INPP4B: variants seen among roughly 807,000 people sequenced by gnomAD.
INPP4B encodes the protein inositol polyphosphate 4-phosphatase type II.
INPP4B carries 55 observed loss-of-function variants against 122.5 expected under a neutral mutation model. That is an observed-to-expected ratio of 0.45 (90% CI 0.36 to 0.56). INPP4B has a LOEUF of 0.56. Ranked by LOEUF, INPP4B falls within the 20% of genes least tolerant of loss-of-function variation. The pLI is 0.00. For missense variants in INPP4B, 1,000 were observed against 1,097.7 expected (o/e 0.91, Z 1.26); for synonymous variants, 403 against 388.7 (o/e 1.04, Z -0.43).
intron 2 of INPP4B, among the ~76,000 whole-genome samples, chr4:142,672,781 A>T (rs1389430483): frequency 6.6e-6 from 1 of 152,126 alleles, no homozygotes; most frequent in Non-Finnish European, 1.5e-5. Flanking sequence ...TCTTGCTTTT[A>T]GTATCATAGC....
At chr4:142,447,268 C>T in intron 3 of INPP4B, among the ~76,000 whole-genome samples, 1 of 152,096 alleles carries the variant, frequency 6.6e-6, no homozygotes, top group East Asian at 1.9e-4. Context: ...TCCAGCAGTG[C>T]TCGGCAGCCT....
intron 2 of INPP4B, among the ~76,000 whole-genome samples, chr4:142,680,777 T>C (rs775253288): frequency 1.3e-4 from 19 of 151,862 alleles, no homozygotes; most frequent in African/African-American, 2.4e-4. Context: ...CTCCCAAGCA[T>C]CTCATTTTGG....
chr4:142,794,760 A>G (rs1302161472), intron 1 of INPP4B, among the ~76,000 whole-genome samples: 2 of 151,888 alleles, frequency 1.3e-5, no homozygotes, highest in African/African-American at 4.8e-5. Context: ...AACAATGACT[A>G]ATAAGAAATA....
chr4:142,409,150 G>A (rs972098994), intron 5 of INPP4B, among the ~76,000 whole-genome samples: 1 of 152,174 alleles, frequency 6.6e-6, no homozygotes, highest in African/African-American at 2.4e-5. Context: ...GAGCCAGGCA[G>A]TTTTCACTCT....
Position 142,567,277 on chromosome 4 carries a change from G to A in INPP4B, c.-190-104551C>T, listed in dbSNP as rs1266038568. Among the ~76,000 whole-genome samples the A allele has an allele frequency of 4.6e-5, 7 of 152,204 alleles. 1 individual carries two copies. In the South Asian group the frequency reaches 8.3e-4, roughly 18 times the overall value. On this transcript the variant is annotated intron_variant, in intron 2 of 25. Coordinates refer to ENST00000262992, the MANE Select transcript of INPP4B (RefSeq NM_001101669.3). Reference sequence around the variant, plus strand: ...ATCCATACACAGCAACACAACTGAGGTCAGGTCAGAGGGTGGGCAGAAGAC... The same window carrying A: ...ATCCATACACAGCAACACAACTGAGATCAGGTCAGAGGGTGGGCAGAAGAC...
At position 142,552,473 on chromosome 4, in the gene INPP4B, C is replaced by G. The variant is rs150907148; in HGVS notation, c.-190-89747G>C. Among the ~76,000 whole-genome samples, 967 of 151,924 alleles carry G rather than the reference C, an allele frequency of 6.4e-3. 24 individuals are homozygous for G. Among genetic ancestry groups the G allele is most frequent in the Admixed American group, 0.032 (495 of 15,274 alleles). The stretch of plus-strand genomic sequence containing the variant: ...GAAGAAGAAGTTACTTACTGGGACC[C>G]TGCACTGCCTATCTGAGCACATGCT... On this transcript the variant is annotated intron_variant, in intron 2 of 25. Coordinates refer to ENST00000262992, the MANE Select transcript of INPP4B (RefSeq NM_001101669.3).
At chr4:142,727,105 T>C (rs1000151163) in intron 1 of INPP4B, among the ~76,000 whole-genome samples, 25 of 152,194 alleles carry the variant, frequency 1.6e-4, no homozygotes, top group African/African-American at 5.8e-4. Flanking sequence ...GTTTATTTAT[T>C]AATTAGACTC....
At chr4:142,179,713 T>C (rs1829983541) in intron 15 of INPP4B, among the ~76,000 whole-genome samples, 1 of 152,150 alleles carries the variant, frequency 6.6e-6, no homozygotes, top group African/African-American at 2.4e-5. Flanking sequence ...TTTATGTACA[T>C]CCTTTATTTA....
chr4:142,619,497 A>C (rs1405836237), intron 2 of INPP4B, among the ~76,000 whole-genome samples: 3 of 152,108 alleles, frequency 2.0e-5, no homozygotes, highest in Non-Finnish European at 4.4e-5. Flanking sequence ...ACAGAAGAAT[A>C]AATGCTGGAT....
chr4:142,423,208 T>C (rs1401531098), intron 5 of INPP4B, among the ~76,000 whole-genome samples: 2 of 152,048 alleles, frequency 1.3e-5, no homozygotes, highest in African/African-American at 4.8e-5. Context: ...TTTTTCCTTT[T>C]AGAAAAACAT....
At chr4:142,279,497 A>C (rs1218870578) in intron 9 of INPP4B, among the ~76,000 whole-genome samples, 2 of 151,900 alleles carry the variant, frequency 1.3e-5, no homozygotes, top group Non-Finnish European at 2.9e-5. Context: ...ATGAACTAAA[A>C]GTAGTCTTTT....
At chr4:142,768,799 G>C (rs2150992421) in intron 1 of INPP4B, among the ~76,000 whole-genome samples, 1 of 152,272 alleles carries the variant, frequency 6.6e-6, no homozygotes, top group Non-Finnish European at 1.5e-5. Flanking sequence ...AGAAAATAAA[G>C]CTGTACCATG....
At chr4:142,118,882 T>C (rs1434388625) in intron 21 of INPP4B, among the ~76,000 whole-genome samples, 1 of 152,148 alleles carries the variant, frequency 6.6e-6, no homozygotes, top group Non-Finnish European at 1.5e-5. Flanking sequence ...AGAAAATTTT[T>C]ACAATCTATC....
chr4:142,180,479 C>G (rs1830277555), intron 15 of INPP4B, among the ~76,000 whole-genome samples: 1 of 152,038 alleles, frequency 6.6e-6, no homozygotes, highest in Admixed American at 6.6e-5. Flanking sequence ...AGATAATAAT[C>G]ATTGGGTACA....
At chr4:142,103,631 A>G (rs982499471) in intron 23 of INPP4B, among the ~76,000 whole-genome samples, 2 of 152,138 alleles carry the variant, frequency 1.3e-5, no homozygotes, top group African/African-American at 4.8e-5. Context: ...TAGCCTTAAT[A>G]TAGATTATTC....
chr4:142,624,539 T>A (rs1018880937), intron 2 of INPP4B, among the ~76,000 whole-genome samples: 2 of 152,142 alleles, frequency 1.3e-5, no homozygotes, highest in Non-Finnish European at 2.9e-5. Flanking sequence ...ACAGCCGAAT[T>A]CTATCAGAGG....
chr4:142,402,901 C>CT, intron 7 of INPP4B, 37 bp downstream of exon 7: 1 of 1,077,016 alleles, frequency 9.3e-7, no homozygotes, highest in Non-Finnish European at 1.4e-6. Flanking sequence ...AAAAGCATAA[C>CT]TTTTTCCCAA....
chr4:142,424,651 T>G (rs1408628788), intron 5 of INPP4B, among the ~76,000 whole-genome samples: 1 of 152,208 alleles, frequency 6.6e-6, no homozygotes, highest in East Asian at 1.9e-4. Flanking sequence ...CTGATTAATA[T>G]CCTATCTTAT....
intron 25 of INPP4B, among the ~76,000 whole-genome samples, chr4:142,051,132 G>A (rs1754363127): frequency 6.6e-6 from 1 of 151,824 alleles, no homozygotes; most frequent in Non-Finnish European, 1.5e-5. Flanking sequence ...TAAATATATA[G>A]GTTTCTCTCT....
Sources: allele counts gnomAD v4.1 joint callset (sites outside exome capture counted in the v4.1 genomes callset), GRCh38; gene constraint gnomAD v4.1.1; transcripts MANE v1.5; gene names NCBI Gene and HGNC (gene_info 2026-07-23, HGNC 2026-07-21).